Variants in KIAA1217 observed in about 807,000 individuals in gnomAD.
The protein encoded by KIAA1217 is KIAA1217, also known as sickle tail protein homolog.
KIAA1217 carries 88 observed loss-of-function variants against 163.9 expected under a neutral mutation model. The ratio of observed to expected loss-of-function variants is 0.54; its 90% CI spans 0.45 to 0.64. The LOEUF is 0.64. Among genes scored for constraint, KIAA1217 ranks in the 30% least tolerant of loss-of-function variants. The probability of loss-of-function intolerance (pLI) is 0.00; values close to 1 mark genes in which losing one functional copy is unlikely to be tolerated. For synonymous variants in KIAA1217, 903 were observed against 923.1 expected (o/e 0.98, Z 0.39); for missense variants, 2,372 against 2,475.0 (o/e 0.96, Z 0.88).
intron 3 of KIAA1217, among the ~76,000 whole-genome samples, chr10:24,422,858 T>TA (rs2058841689): frequency 6.7e-6 from 1 of 150,340 alleles, no homozygotes. Context: ...CAGGTGGTTA[T>TA]GGGGGGCAAG....
intron 9 of KIAA1217, among the ~76,000 whole-genome samples, chr10:24,501,779 C>T (rs1365717241): frequency 1.0e-5 from 1 of 99,966 alleles, no homozygotes; most frequent in Non-Finnish European, 2.0e-5. Context: ...GACGTAGTCT[C>T]GCTTTGTCCC....
intron 1 of KIAA1217, among the ~76,000 whole-genome samples, chr10:23,880,961 C>G (rs1202434904): frequency 6.6e-6 from 1 of 151,700 alleles, no homozygotes; most frequent in East Asian, 2.0e-4. Context: ...CAGGTGAATA[C>G]AATGTAGGAA....
chr10:24,500,686 G>C (rs1266250258), intron 8 of KIAA1217, among the ~76,000 whole-genome samples: 1 of 152,258 alleles, frequency 6.6e-6, no homozygotes, highest in South Asian at 2.1e-4. Flanking sequence ...TACATTTGCT[G>C]TGCAGAAAAT....
chr10:23,805,789 G>A (rs530982917), intron 1 of KIAA1217, among the ~76,000 whole-genome samples: 19 of 151,988 alleles, frequency 1.3e-4, no homozygotes, highest in Admixed American at 2.6e-4. Context: ...CGAGGCGGGT[G>A]GGTCCCCTGA....
chr10:24,510,644 GC>G (rs1564827528), intron 9 of KIAA1217, among the ~76,000 whole-genome samples: 1 of 151,876 alleles, frequency 6.6e-6, no homozygotes, highest in Non-Finnish European at 1.5e-5. Flanking sequence ...ACTCATTCCC[GC>G]CCCCTTCAAA....
chr10:24,523,224 A>G (rs554854693), intron 12 of KIAA1217, among the ~76,000 whole-genome samples: 28 of 151,910 alleles, frequency 1.8e-4, no homozygotes, highest in Non-Finnish European at 1.5e-5. Flanking sequence ...TAGGAGGCTG[A>G]GGCAGGAAGA....
chr10:24,382,085 C>T (rs951677342), intron 3 of KIAA1217, among the ~76,000 whole-genome samples: 20 of 147,964 alleles, frequency 1.4e-4, no homozygotes, highest in Middle Eastern at 3.5e-3. Flanking sequence ...CTTTTTTTGG[C>T]GCTTTAACAA....
intron 2 of KIAA1217, among the ~76,000 whole-genome samples, chr10:24,278,982 G>A (rs1217375641): frequency 6.6e-6 from 1 of 151,528 alleles, no homozygotes; most frequent in Non-Finnish European, 1.5e-5. Flanking sequence ...TCAGCCTCCT[G>A]AGTAGCTGGG....
At chr10:24,419,172 C>T (rs1241488954) in intron 3 of KIAA1217, among the ~76,000 whole-genome samples, 2 of 82,604 alleles carry the variant, frequency 2.4e-5, no homozygotes, top group African/African-American at 9.5e-5. Context: ...GACTCGTCTC[C>T]AAAAAAAAAA....
chr10:24,284,528 C>T (rs1422223766), intron 2 of KIAA1217, among the ~76,000 whole-genome samples: 1 of 152,208 alleles, frequency 6.6e-6, no homozygotes, highest in East Asian at 1.9e-4. Context: ...CCTCCAGCTG[C>T]ATCCATGTTG....
chr10:23,790,443 A>G (rs184409799), intron 1 of KIAA1217, among the ~76,000 whole-genome samples: 1 of 107,044 alleles, frequency 9.3e-6, no homozygotes, highest in East Asian at 2.4e-4. Flanking sequence ...ATACATATAT[A>G]CATATATACA....
At chr10:24,423,184 T>C (rs1298662167) in intron 3 of KIAA1217, among the ~76,000 whole-genome samples, 2 of 152,108 alleles carry the variant, frequency 1.3e-5, no homozygotes, top group East Asian at 1.9e-4. Flanking sequence ...CCCAAGGTGC[T>C]GGGATTACAG....
intron 2 of KIAA1217, among the ~76,000 whole-genome samples, chr10:24,256,537 T>G (rs1282403626): frequency 6.6e-6 from 1 of 151,872 alleles, no homozygotes; most frequent in East Asian, 1.9e-4. Context: ...GAAAGAAACC[T>G]TGGGAAAAAA....
At chr10:24,300,867 C>T (rs2041239731) in intron 2 of KIAA1217, among the ~76,000 whole-genome samples, 1 of 152,130 alleles carries the variant, frequency 6.6e-6, no homozygotes, top group African/African-American at 2.4e-5. Context: ...GGCTGGAGTG[C>T]AGTGGTGTTA....
intron 1 of KIAA1217, among the ~76,000 whole-genome samples, chr10:23,938,809 A>G (rs1318411588): frequency 6.6e-6 from 1 of 152,156 alleles, no homozygotes; most frequent in East Asian, 1.9e-4. Flanking sequence ...GACTGTGTAT[A>G]TGCATACGTA....
intron 1 of KIAA1217, among the ~76,000 whole-genome samples, chr10:24,005,490 G>A (rs1419955309): frequency 2.6e-5 from 4 of 152,092 alleles, no homozygotes; most frequent in Non-Finnish European, 5.9e-5. Flanking sequence ...CTGGTCACTG[G>A]TTTATGTAAG....
intron 1 of KIAA1217, among the ~76,000 whole-genome samples, chr10:23,755,090 A>G (rs889985796): frequency 1.3e-5 from 2 of 152,184 alleles, no homozygotes; most frequent in Non-Finnish European, 2.9e-5. Context: ...GACACTCACA[A>G]TCCAGGGATC....
intron 1 of KIAA1217, among the ~76,000 whole-genome samples, chr10:23,812,107 C>T (rs1352991663): frequency 6.6e-6 from 1 of 151,968 alleles, no homozygotes; most frequent in African/African-American, 2.4e-5. Flanking sequence ...AACAAAAAAC[C>T]CACTTAAGTT....
At chr10:24,152,418 C>T (rs561261683) in intron 2 of KIAA1217, among the ~76,000 whole-genome samples, 166 of 152,186 alleles carry the variant, frequency 1.1e-3, no homozygotes, top group Non-Finnish European at 2.1e-3. Context: ...AAAACCTTTC[C>T]GTGTGAATCA....
Sources: gnomAD v4.1 joint callset for allele counts (sites outside exome capture counted in the v4.1 genomes callset) on GRCh38, gnomAD v4.1.1 for gene constraint, MANE v1.5 for transcripts, NCBI Gene and HGNC (gene_info 2026-07-23, HGNC 2026-07-21) for gene names.